Variants in GRM1 observed in about 807,000 individuals in gnomAD.
The protein encoded by GRM1 is glutamate metabotropic receptor 1, also known as metabotropic glutamate receptor 1.
In GRM1, 33 loss-of-function variants were observed where a neutral mutation model predicts 90.9. That is an observed-to-expected ratio of 0.36 (90% confidence interval 0.28 to 0.49). The LOEUF (loss-of-function observed/expected upper bound fraction) is 0.49, where lower values mean the gene tolerates loss of function less well. GRM1 is among the 20% of genes least tolerant of loss of function. The pLI is 0.99. For synonymous variants in GRM1, 700 were observed against 613.2 expected (o/e 1.14, Z -2.09); for missense variants, 1,190 against 1,534.3 (o/e 0.78, Z 3.75).
At chr6:146,054,431 A>G (rs1364649792) in intron 1 of GRM1, among the ~76,000 whole-genome samples, 1 of 152,060 alleles carries the variant, frequency 6.6e-6, no homozygotes, top group African/African-American at 2.4e-5. Context: ...TAATTTTTCT[A>G]TGGAGGTAGC....
intron 1 of GRM1, among the ~76,000 whole-genome samples, chr6:146,158,831 G>C (rs1777609648): frequency 6.6e-6 from 1 of 152,174 alleles, no homozygotes; most frequent in African/African-American, 2.4e-5. Flanking sequence ...CCCTATAGCT[G>C]TTTCTGGTCT....
At chr6:146,396,539 C>T (rs1776943693) in intron 6 of GRM1, among the ~76,000 whole-genome samples, 1 of 152,094 alleles carries the variant, frequency 6.6e-6, no homozygotes, top group African/African-American at 2.4e-5. Flanking sequence ...TTACATGTTC[C>T]TCTAATGTTT....
At chr6:146,332,409 C>T (rs570044928) in intron 3 of GRM1, among the ~76,000 whole-genome samples, 1 of 152,278 alleles carries the variant, frequency 6.6e-6, no homozygotes, top group Non-Finnish European at 1.5e-5. Flanking sequence ...TCTTTGCTGC[C>T]TATTAGCCAG....
At chr6:146,080,346 G>A (rs1776322732) in intron 1 of GRM1, among the ~76,000 whole-genome samples, 1 of 152,038 alleles carries the variant, frequency 6.6e-6, no homozygotes, top group African/African-American at 2.4e-5. Flanking sequence ...TGCCTTCACT[G>A]CTTCAATGAA....
rs142409803 is a variant in GRM1, at chr6:146,434,133, T to C, written c.2922T>C (p.Pro974=). 6.2e-4 allele frequency: 993 copies of C among 1,614,118 alleles called. 1 individual carries two copies. The highest frequency in any genetic ancestry group is 7.2e-4 in the Non-Finnish European group (848 of 1,180,016). ...TTCGCTTTAGCCCGCCTGGTAGCCC[T>C]TCCATGGTGGTGCACAGGCGCGTGC... ...QPIRFSPPGS[P]SMVVHRRVPS... Residue 974 remains proline, a synonymous_variant, in exon 8 of 8, where the codon CCT becomes CCC. Transcript: ENST00000282753.
chr6:146,434,343 G>T lies in GRM1; in HGVS notation c.3132G>T (p.Ala1044=). Residue 1044 remains alanine, a synonymous_variant, in exon 8 of 8, where the codon GCG becomes GCT. Coordinates refer to ENST00000282753, the MANE Select transcript of GRM1 (RefSeq NM_001278064.2). ...GAGTGGTCAGCAACTTCAGTACCGC[G>T]ATCCCGGATTTTCACGCGGTGCTGG... is the stretch of plus-strand genomic sequence containing the variant. ...LQGVVSNFST[A]IPDFHAVLAG... 1 of 1,612,538 alleles carries T rather than the reference G, an allele frequency of 6.2e-7. No individual in the cohort carries two copies. Among genetic ancestry groups the T allele is most frequent in the Non-Finnish European group, 8.5e-7 (1 of 1,178,952 alleles).
At chr6:146,410,932 T>G (rs890057195) in intron 7 of GRM1, among the ~76,000 whole-genome samples, 16 of 152,248 alleles carry the variant, frequency 1.1e-4, no homozygotes, top group Admixed American at 2.6e-4. Flanking sequence ...GTTAGAATTA[T>G]AGGCTTGGTT....
chr6:146,365,555 A>G (rs964494648), intron 5 of GRM1: 1 of 152,210 alleles, frequency 6.6e-6, no homozygotes, highest in Non-Finnish European at 1.5e-5. Context: ...TAAGTGAGCC[A>G]CATTTGATTT....
At chr6:146,301,691 C>T (rs1342181479) in intron 2 of GRM1, among the ~76,000 whole-genome samples, 1 of 152,032 alleles carries the variant, frequency 6.6e-6, no homozygotes, top group African/African-American at 2.4e-5. Flanking sequence ...TCTTCAAAGC[C>T]TAACTGGTCT....
At chr6:146,120,511 G>C (rs1231451528) in intron 1 of GRM1, among the ~76,000 whole-genome samples, 15 of 152,142 alleles carry the variant, frequency 9.9e-5, no homozygotes, top group Non-Finnish European at 2.1e-4. Flanking sequence ...TCCCTGTCTT[G>C]TGCCAGTTTT....
intron 1 of GRM1, among the ~76,000 whole-genome samples, chr6:146,039,043 T>G (rs1000081661): frequency 1.3e-5 from 2 of 152,032 alleles, no homozygotes; most frequent in Admixed American, 6.6e-5. Context: ...CCTATCTCAA[T>G]TTTTATGTTT....
intron 4 of GRM1, among the ~76,000 whole-genome samples, chr6:146,357,291 G>A (rs188423584): frequency 6.6e-6 from 1 of 152,284 alleles, no homozygotes. Flanking sequence ...AGAGAGAAAA[G>A]TACAAGAGTA....
At chr6:146,102,142 T>G (rs1467938676) in intron 1 of GRM1, among the ~76,000 whole-genome samples, 2 of 152,146 alleles carry the variant, frequency 1.3e-5, no homozygotes, top group Non-Finnish European at 2.9e-5. Context: ...CTCTTTTTCT[T>G]ACTCTTTTTC....
chr6:146,351,136 C>A (rs542715093), intron 3 of GRM1, among the ~76,000 whole-genome samples: 2 of 152,150 alleles, frequency 1.3e-5, no homozygotes, highest in African/African-American at 4.8e-5. Flanking sequence ...AGCCTGGGAA[C>A]CTTAGTGTCC....
At chr6:146,368,484 A>G (rs1341380062) in intron 5 of GRM1, among the ~76,000 whole-genome samples, 1 of 152,084 alleles carries the variant, frequency 6.6e-6, no homozygotes, top group Non-Finnish European at 1.5e-5. Flanking sequence ...ATTTTTCCCT[A>G]TTCAGTAAAA....
intron 5 of GRM1, among the ~76,000 whole-genome samples, chr6:146,372,927 T>G (rs1775955997): frequency 6.6e-6 from 1 of 152,086 alleles, no homozygotes; most frequent in Admixed American, 6.6e-5. Flanking sequence ...CTTTTTGCTT[T>G]AGATAGCTTT....
chr6:146,272,436 C>T (rs372071285), intron 2 of GRM1, among the ~76,000 whole-genome samples: 17 of 152,266 alleles, frequency 1.1e-4, no homozygotes, highest in African/African-American at 2.6e-4. Context: ...TTTTAGACTA[C>T]GAGAATGAGT....
intron 7 of GRM1, among the ~76,000 whole-genome samples, chr6:146,409,389 T>C (rs1024534538): frequency 6.6e-6 from 1 of 152,146 alleles, no homozygotes; most frequent in Non-Finnish European, 1.5e-5. Flanking sequence ...GAAAACTCCA[T>C]GGCTCTGTTA....
rs1777065153 is a variant in GRM1, at chr6:146,101,914, C to T, written c.701-57434C>T. 3.3e-5 allele frequency among the ~76,000 whole-genome samples: 5 copies of T among 151,482 alleles called. No homozygotes were observed. In the South Asian group the frequency reaches 8.3e-4, roughly 25 times the overall value. On this transcript the variant is annotated intron_variant, in intron 1 of 7. Transcript: ENST00000282753. Reference sequence around the variant, plus strand: ...GAGTGATAAAATTAATACCAACTTACTGAGTATCTTTTGTGGGGCAGCACT... The same window carrying T: ...GAGTGATAAAATTAATACCAACTTATTGAGTATCTTTTGTGGGGCAGCACT...
Sources: gnomAD v4.1 joint callset for allele counts (sites outside exome capture counted in the v4.1 genomes callset) on GRCh38, gnomAD v4.1.1 for gene constraint, MANE v1.5 for transcripts, NCBI Gene and HGNC (gene_info 2026-07-23, HGNC 2026-07-21) for gene names.